Variants in RBM27 observed in about 807,000 individuals in gnomAD.
RBM27 encodes RNA binding motif protein 27.
RBM27 carries 22 observed loss-of-function variants against 135.3 expected under a neutral mutation model. The ratio of observed to expected loss-of-function variants is 0.16; its 90% CI spans 0.12 to 0.23. RBM27 has a LOEUF of 0.23. Among genes scored for constraint, RBM27 ranks in the 10% least tolerant of loss-of-function variants. The pLI, the probability that RBM27 is intolerant of heterozygous loss-of-function variation, is 1.00. For missense variants in RBM27, 1,009 were observed against 1,281.0 expected (o/e 0.79, Z 3.24); for synonymous variants, 481 against 442.4 (o/e 1.09, Z -1.10).
chr5:146,231,936 T>C (rs1172896398), intron 6 of RBM27, among the ~76,000 whole-genome samples: 1 of 152,168 alleles, frequency 6.6e-6, no homozygotes, highest in Middle Eastern at 3.2e-3. Context: ...TTTTTTTGAG[T>C]AGTGTTTGCT....
intron 1 of RBM27, among the ~76,000 whole-genome samples, chr5:146,207,379 AATTTTTTGT>A (rs1164616048): frequency 6.6e-6 from 1 of 151,516 alleles, no homozygotes; most frequent in East Asian, 2.0e-4. Flanking sequence ...ATGCCCGGCT[AATTTTTTGT>A]ATTTTTTAGT....
chr5:146,215,977 C>G (rs183677462), intron 1 of RBM27, among the ~76,000 whole-genome samples: 30 of 152,218 alleles, frequency 2.0e-4, no homozygotes, highest in Admixed American at 1.6e-3. Context: ...TCTTGAACTC[C>G]TGACCTCGTG....
chr5:146,224,401 G>A (rs1038666077), intron 3 of RBM27, among the ~76,000 whole-genome samples: 2 of 152,104 alleles, frequency 1.3e-5, no homozygotes, highest in African/African-American at 4.8e-5. Flanking sequence ...ATTACAAGAG[G>A]CTGGGCATGG....
chr5:146,220,490 AT>A (rs59522174), intron 2 of RBM27, among the ~76,000 whole-genome samples: 11,873 of 83,756 alleles, frequency 0.14, 497 homozygotes, highest in Non-Finnish European at 0.16. Context: ...AAAAAAAAAA[AT>A]ATATATATAT....
chr5:146,228,278 C>CTTTTTTTTTTTTT (rs201464624), intron 3 of RBM27, among the ~76,000 whole-genome samples: 1 of 116,860 alleles, frequency 8.6e-6, no homozygotes, highest in Non-Finnish European at 1.8e-5. Context: ...AGGGACCATT[C>CTTTTTTTTTTTTT]TTTCTTTTTT....
intron 1 of RBM27, among the ~76,000 whole-genome samples, chr5:146,208,567 G>A (rs1471616030): frequency 6.6e-6 from 1 of 152,100 alleles, no homozygotes; most frequent in Non-Finnish European, 1.5e-5. Flanking sequence ...TCTTGTTTGG[G>A]GACTTCATCT....
chr5:146,269,606 T>A, intron 17 of RBM27, 22 bp downstream of exon 17: 1 of 1,491,586 alleles, frequency 6.7e-7, no homozygotes. Context: ...CATTTTTTAT[T>A]TAACATAGGG....
chr5:146,203,973 T>G (rs1755508612), intron 1 of RBM27, 149 bp downstream of exon 1: 9 of 688,184 alleles, frequency 1.3e-5, no homozygotes, highest in East Asian at 3.7e-5. Flanking sequence ...CTATCACCAT[T>G]GTGGTGGGGG....
At chr5:146,228,528 C>T (rs369207367) in intron 3 of RBM27, among the ~76,000 whole-genome samples, 7 of 151,734 alleles carry the variant, frequency 4.6e-5, no homozygotes, top group Non-Finnish European at 1.0e-4. Flanking sequence ...GTGATCTGCC[C>T]GCCCCGGCCA....
At chr5:146,237,880 G>A (rs1581177370) in intron 8 of RBM27, among the ~76,000 whole-genome samples, 1 of 152,042 alleles carries the variant, frequency 6.6e-6, no homozygotes, top group Admixed American at 6.6e-5. Context: ...TAGAGACGGG[G>A]TTTCACCATG....
At position 146,271,139 on chromosome 5, in the gene RBM27, G is replaced by A. The variant is rs1348269025; in HGVS notation, c.2796+81G>A. The A allele has an allele frequency of 2.1e-5, 21 of 1,005,556 alleles. No homozygotes were observed. In the East Asian group the frequency reaches 3.2e-4, roughly 15 times the overall value. 62.3% of individuals were successfully genotyped at this position (1,005,556 alleles called of 1,614,324 possible). On this transcript the variant is annotated intron_variant, in intron 18 of 20. Coordinates refer to ENST00000265271, the MANE Select transcript of RBM27 (RefSeq NM_018989.2). ...CCTTTGACCGGGCGCGGTGGCTCAC[G>A]CCTGTAATCTCAGCACTTTGGGAGG...
chr5:146,234,805 G>T (rs1437586458), intron 7 of RBM27, among the ~76,000 whole-genome samples: 1 of 151,902 alleles, frequency 6.6e-6, no homozygotes, highest in East Asian at 1.9e-4. Context: ...AGGCCGAAGT[G>T]GGTGGATCAC....
chr5:146,239,467 C>CTT (rs368919868), intron 8 of RBM27, among the ~76,000 whole-genome samples: 2 of 130,810 alleles, frequency 1.5e-5, no homozygotes, highest in Non-Finnish European at 1.6e-5. Flanking sequence ...TTTTTTTTTC[C>CTT]TTTTCTTTTT....
chr5:146,280,624 T>C (rs2126913665), intron 19 of RBM27, among the ~76,000 whole-genome samples: 1 of 152,258 alleles, frequency 6.6e-6, no homozygotes, highest in East Asian at 1.9e-4. Flanking sequence ...ATACAGTCAA[T>C]CCTTATTATT....
At chr5:146,209,342 A>G (rs1386977033) in intron 1 of RBM27, among the ~76,000 whole-genome samples, 1 of 152,232 alleles carries the variant, frequency 6.6e-6, no homozygotes, top group African/African-American at 2.4e-5. Context: ...ATAGGTAGGA[A>G]CAGGAATTGC....
At position 146,203,790 on chromosome 5, in the gene RBM27, C is replaced by T. The variant is rs987856018; in HGVS notation, c.25C>T (p.Leu9Phe). The part of the protein sequence containing the change: MLIEDVDA[L>F]KSWLAKLLEP... ...CATGCTCATAGAGGATGTGGATGCC[C>T]TCAAGTCCTGGCTGGCCAAGTTACT... The change falls in exon 1 of 21, where the codon CTC (leucine) becomes TTC (phenylalanine). Residue 9 changes from leucine to phenylalanine, a missense_variant. Physicochemically the swap from Leu to Phe is conservative, Grantham distance 22 (BLOSUM62 0). Transcript: ENST00000265271. The T allele has an allele frequency of 1.5e-5, 23 of 1,550,680 alleles. 1 individual carries two copies. The highest frequency in any genetic ancestry group is 2.0e-5 in the Non-Finnish European group (23 of 1,146,702).
intron 1 of RBM27, among the ~76,000 whole-genome samples, chr5:146,217,062 G>A (rs1756226426): frequency 6.6e-6 from 1 of 152,112 alleles, no homozygotes; most frequent in Non-Finnish European, 1.5e-5. Context: ...TGCCTCCCGG[G>A]TTCAAGCGAT....
chr5:146,237,056 A>T (rs541435389), intron 7 of RBM27, among the ~76,000 whole-genome samples: 1 of 147,100 alleles, frequency 6.8e-6, no homozygotes, highest in East Asian at 2.0e-4. Context: ...CTCCTGCCTC[A>T]GCCTCCTGAG....
intron 19 of RBM27, among the ~76,000 whole-genome samples, chr5:146,277,625 C>T (rs1759148819): frequency 6.7e-6 from 1 of 150,322 alleles, no homozygotes; most frequent in South Asian, 2.1e-4. Flanking sequence ...TGGGTTCATG[C>T]CATTCTCCTG....
Sources: allele counts gnomAD v4.1 joint callset (sites outside exome capture counted in the v4.1 genomes callset), GRCh38; gene constraint gnomAD v4.1.1; transcripts MANE v1.5; gene names NCBI Gene and HGNC (gene_info 2026-07-23, HGNC 2026-07-21).